Variants in BMPER observed in about 807,000 individuals in gnomAD.
The protein encoded by BMPER is BMP binding endothelial regulator, also known as BMP-binding endothelial regulator protein.
A neutral mutation model predicts 87.3 loss-of-function variants in BMPER; 45 were observed. The ratio of observed to expected loss-of-function variants is 0.52; its 90% CI spans 0.41 to 0.66. BMPER has a LOEUF of 0.66. BMPER is among the 30% of genes least tolerant of loss of function. The pLI is 0.00. For missense variants in BMPER, 784 were observed against 867.5 expected, an observed-to-expected ratio of 0.90 and a Z score of 1.21; for synonymous variants, 326 against 316.2, an observed-to-expected ratio of 1.03 and a Z score of -0.33.
intron 11 of BMPER, among the ~76,000 whole-genome samples, chr7:34,076,048 C>T (rs1788855571): frequency 6.6e-6 from 1 of 152,156 alleles, no homozygotes; most frequent in Non-Finnish European, 1.5e-5. Context: ...ACAGAAAAAT[C>T]ATCCCGATTT....
chr7:33,939,448 G>C (rs59234365), intron 3 of BMPER, among the ~76,000 whole-genome samples: 23 of 152,026 alleles, frequency 1.5e-4, no homozygotes, highest in African/African-American at 5.5e-4. Flanking sequence ...CAACGCATTT[G>C]GGGGGAGGTC....
intron 13 of BMPER, among the ~76,000 whole-genome samples, chr7:34,109,739 G>A (rs1789913136): frequency 6.6e-6 from 1 of 152,196 alleles, no homozygotes; most frequent in Non-Finnish European, 1.5e-5. Flanking sequence ...CATGCCAGAT[G>A]CCTGCTGCGA....
intron 2 of BMPER, among the ~76,000 whole-genome samples, chr7:33,935,962 C>G (rs1246965382): frequency 6.6e-6 from 1 of 152,130 alleles, no homozygotes; most frequent in Non-Finnish European, 1.5e-5. Flanking sequence ...GATACGGAAA[C>G]AGCTGTGGGC....
At chr7:34,042,049 C>A (rs1490658606) in intron 6 of BMPER, among the ~76,000 whole-genome samples, 1 of 152,132 alleles carries the variant, frequency 6.6e-6, no homozygotes, top group African/African-American at 2.4e-5. Context: ...GTTTTATCGT[C>A]TTGAACCCAT....
chr7:33,937,713 T>C (rs74547263), intron 3 of BMPER, among the ~76,000 whole-genome samples: 1 of 68,068 alleles, frequency 1.5e-5, no homozygotes, highest in Non-Finnish European at 3.3e-5. Flanking sequence ...CACACACACA[T>C]GAGCATATTT....
Position 34,086,020 on chromosome 7 carries a change from G to A in BMPER, c.1673G>A (p.Arg558Gln), listed in dbSNP as rs141418851. ...GTVKVKLRAH[R>Q]ECQKLKSWEF... ...GTCAAGGTAAAGCTCCGGGCCCATCGAGAATGCCAAAAGCTCAAATCCTGG... is the reference window on the plus strand; with the variant it reads ...GTCAAGGTAAAGCTCCGGGCCCATCAAGAATGCCAAAAGCTCAAATCCTGG... The change falls in exon 13 of 15, where the codon CGA becomes CAA. Residue 558 changes from arginine (R) to glutamine (Q), a missense_variant. By Grantham distance (43) the Arg-to-Gln change is conservative. Coordinates refer to ENST00000649409, the MANE Select transcript of BMPER (RefSeq NM_001365308.1). 1.6e-4 allele frequency: 253 copies of A among 1,613,924 alleles called. No homozygotes were observed. The highest frequency in any genetic ancestry group is 2.0e-4 in the Non-Finnish European group (238 of 1,180,038).
At chr7:33,937,030 A>G (rs1044303477) in intron 2 of BMPER, among the ~76,000 whole-genome samples, 3 of 152,164 alleles carry the variant, frequency 2.0e-5, no homozygotes, top group African/African-American at 7.2e-5. Context: ...TCCCTTGGCA[A>G]TCGGTTATCT....
chr7:34,026,691 G>A (rs1430223785), intron 6 of BMPER, among the ~76,000 whole-genome samples: 1 of 152,112 alleles, frequency 6.6e-6, no homozygotes, highest in Non-Finnish European at 1.5e-5. Context: ...CTAAGTTGAA[G>A]TTGATGACAG....
chr7:34,026,168 C>G (rs1204687382), intron 6 of BMPER, among the ~76,000 whole-genome samples: 1 of 152,000 alleles, frequency 6.6e-6, no homozygotes, highest in Non-Finnish European at 1.5e-5. Context: ...GGGTGATCCT[C>G]TTTCTTTAGC....
rs115808943 is a variant in BMPER at position 34,136,862 on chromosome 7, T to C, written c.1746-6368T>C. ...GGCACCTGTCACTCCTGGCTTGCCCTTCTGTTCTCCAAGAAGCAGTGTGGA... is the reference window on the plus strand; with the variant it reads ...GGCACCTGTCACTCCTGGCTTGCCCCTCTGTTCTCCAAGAAGCAGTGTGGA... On this transcript the variant is annotated intron_variant, in intron 13 of 14. Transcript: ENST00000649409. Among the ~76,000 whole-genome samples, 675 of 152,350 alleles carry C rather than the reference T, an allele frequency of 4.4e-3. 3 individuals carry two copies. The highest frequency in any genetic ancestry group is 0.014 in the African/African-American group (601 of 41,584).
At chr7:33,965,868 AC>A (rs1785392736) in intron 3 of BMPER, among the ~76,000 whole-genome samples, 2 of 128 alleles carry the variant, frequency 0.016, no homozygotes, top group African/African-American at 0.023. Flanking sequence ...GATAATCCAT[AC>A]TTTAGATGGG....
chr7:33,916,155 G>T (rs1784083127), intron 2 of BMPER, among the ~76,000 whole-genome samples: 1 of 152,220 alleles, frequency 6.6e-6, no homozygotes, highest in Non-Finnish European at 1.5e-5. Flanking sequence ...TCTCAGGGTA[G>T]ACAATGGAAG....
Position 34,086,042 on chromosome 7 carries a change from C to G in BMPER, c.1695C>G (p.Ser565=). The G allele has an allele frequency of 6.2e-7, 1 of 1,614,014 alleles. No homozygotes were observed. The highest frequency in any genetic ancestry group is 8.5e-7 in the Non-Finnish European group (1 of 1,180,020). Residue 565 remains serine, a synonymous_variant, in exon 13 of 15, where the codon TCC becomes TCG. Transcript: ENST00000649409. ...ATCGAGAATGCCAAAAGCTCAAATC[C>G]TGGGAGTTTCAGACCTGCCACTCGA... The part of the protein sequence containing the change: ...RAHRECQKLK[S]WEFQTCHSTV...
intron 6 of BMPER, among the ~76,000 whole-genome samples, chr7:34,005,837 T>G (rs551848214): frequency 7.2e-5 from 11 of 152,126 alleles, no homozygotes; most frequent in Non-Finnish European, 1.3e-4. Context: ...TTTTTGCACT[T>G]ATTTTATCAA....
chr7:33,982,108 GAAGGAAAGAGA>G (rs1004651031), intron 6 of BMPER, among the ~76,000 whole-genome samples: 22 of 152,212 alleles, frequency 1.4e-4, no homozygotes, highest in African/African-American at 4.6e-4. Context: ...TCTGCAATAG[GAAGGAAAGAGA>G]TGCCTCATCA....
At chr7:34,006,367 GTA>G (rs371338653) in intron 6 of BMPER, among the ~76,000 whole-genome samples, 299 of 152,154 alleles carry the variant, frequency 2.0e-3, no homozygotes, top group African/African-American at 6.9e-3. Context: ...GTTTTACTGT[GTA>G]TTAGTGAATC....
intron 6 of BMPER, among the ~76,000 whole-genome samples, chr7:34,005,370 T>C (rs1252001208): frequency 6.6e-6 from 1 of 152,124 alleles, no homozygotes; most frequent in Non-Finnish European, 1.5e-5. Context: ...GATTCTCTTA[T>C]TTTTTCTCAA....
intron 6 of BMPER, among the ~76,000 whole-genome samples, chr7:34,011,143 T>C (rs1242953473): frequency 6.6e-6 from 1 of 151,802 alleles, no homozygotes. Flanking sequence ...TATTAGAAAA[T>C]AAGGAGATTA....
At chr7:34,020,887 C>T (rs1432276260) in intron 6 of BMPER, among the ~76,000 whole-genome samples, 2 of 151,584 alleles carry the variant, frequency 1.3e-5, no homozygotes, top group Non-Finnish European at 2.9e-5. Context: ...CACACACACA[C>T]ACACGCACGC....
Sources: gnomAD v4.1 joint callset for allele counts (sites outside exome capture counted in the v4.1 genomes callset) on GRCh38, gnomAD v4.1.1 for gene constraint, MANE v1.5 for transcripts, NCBI Gene and HGNC (gene_info 2026-07-23, HGNC 2026-07-21) for gene names.